Variants in ZNF676 observed in about 807,000 individuals in gnomAD.
The protein encoded by ZNF676 is zinc finger protein 676.
A neutral mutation model predicts 6.0 loss-of-function variants in ZNF676; 4 were observed. The ratio of observed to expected loss-of-function variants is 0.67; its 90% CI spans 0.33 to 1.53. ZNF676 has a LOEUF of 1.53. ZNF676 is among the 40% of genes most tolerant of loss of function. ZNF676 has a pLI of 0.06. For synonymous variants in ZNF676, 198 were observed against 223.1 expected (o/e 0.89, Z 1.00); for missense variants, 644 against 679.7 (o/e 0.95, Z 0.58).
chr19:22,251,961 G>A, the ZNF676 span, among the ~76,000 whole-genome samples: 1 of 152,058 alleles, frequency 6.6e-6, no homozygotes, highest in South Asian at 2.1e-4. Flanking sequence ...TTACTGTTGT[G>A]GATTATATTG....
At position 22,196,937 on chromosome 19, in the gene ZNF676, C is replaced by CT; in HGVS notation, c.-305dup. ...GAAAGTGGTATAAGATCCATAACAT[C>CT]TGTGTATATGTAATATTTTTCTAGA... On this transcript the variant is annotated 5_prime_UTR_variant, in exon 1 of 3. Coordinates refer to ENST00000397121, the MANE Select transcript of ZNF676 (RefSeq NM_001001411.3). 1.9e-6 allele frequency: 1 copy of CT among 530,710 alleles called. No individual in the cohort carries two copies. Among genetic ancestry groups the CT allele is most frequent in the South Asian group, 2.4e-5 (1 of 41,840 alleles). The allele number at this position is 530,710 out of a possible 1,614,324, so 32.9% of individuals were successfully genotyped here.
At chr19:22,185,181 ATCTTTGTTAT>A (rs1298227121) in intron 2 of ZNF676, among the ~76,000 whole-genome samples, 1 of 152,158 alleles carries the variant, frequency 6.6e-6, no homozygotes, top group Non-Finnish European at 1.5e-5. Context: ...ACAGGCAGCA[ATCTTTGTTAT>A]TCTGCAGCCT....
the ZNF676 span, among the ~76,000 whole-genome samples, chr19:22,235,121 C>CAGGAAGGAAGGA: frequency 0.011 from 1,485 of 131,792 alleles, 83 homozygotes; most frequent in African/African-American, 0.037. Flanking sequence ...GGCAGGAAGG[C>CAGGAAGGAAGGA]AGGAAGGAAG....
chr19:22,186,858 C>T (rs1018813158), intron 2 of ZNF676, among the ~76,000 whole-genome samples: 8 of 152,138 alleles, frequency 5.3e-5, no homozygotes, highest in African/African-American at 1.9e-4. Flanking sequence ...ATGCGCCCAA[C>T]ACAGGAGCAC....
chr19:22,225,029 G>A, the ZNF676 span, among the ~76,000 whole-genome samples: 1 of 152,040 alleles, frequency 6.6e-6, no homozygotes, highest in African/African-American at 2.4e-5. Context: ...GCATGTTAAA[G>A]TATATTCACC....
At chr19:22,239,109 T>C in the ZNF676 span, among the ~76,000 whole-genome samples, 1 of 151,996 alleles carries the variant, frequency 6.6e-6, no homozygotes, top group Admixed American at 6.6e-5. Flanking sequence ...GAAACAGTCA[T>C]CACCATTTTT....
At chr19:22,182,847 C>CA (rs536217671) in intron 2 of ZNF676, among the ~76,000 whole-genome samples, 1 of 151,796 alleles carries the variant, frequency 6.6e-6, no homozygotes, top group Non-Finnish European at 1.5e-5. Context: ...TATGCACACA[C>CA]AAAAAAATTG....
chr19:22,224,780 AG>A, the ZNF676 span, among the ~76,000 whole-genome samples: 6 of 152,144 alleles, frequency 3.9e-5, no homozygotes, highest in Non-Finnish European at 5.9e-5. Context: ...GGATCACCTG[AG>A]CCCAAATGTT....
intron 2 of ZNF676, among the ~76,000 whole-genome samples, chr19:22,191,035 A>T (rs2023900731): frequency 6.6e-6 from 1 of 152,148 alleles, no homozygotes; most frequent in African/African-American, 2.4e-5. Flanking sequence ...TCTTAATGAG[A>T]GAATCAGACA....
chr19:22,217,517 T>G (rs1272191159), upstream of ZNF676, among the ~76,000 whole-genome samples: 1 of 152,114 alleles, frequency 6.6e-6, no homozygotes. Flanking sequence ...ACATAATTGT[T>G]ATGCCTTTGC....
chr19:22,200,919 C>T (rs114627720), upstream of ZNF676, among the ~76,000 whole-genome samples: 396 of 152,058 alleles, frequency 2.6e-3, 1 homozygote, highest in African/African-American at 8.6e-3. Flanking sequence ...GCCTCCAGAC[C>T]TCCTGATTTT....
upstream of ZNF676, chr19:22,215,805 C>CG (rs573500330): frequency 1.2e-4 from 82 of 686,512 alleles, no homozygotes; most frequent in Non-Finnish European, 1.6e-4. Flanking sequence ...TGTCCCCCCC[C>CG]CCAGCTGCCT....
At chr19:22,212,199 C>CAAAAAA (rs34421901) in intron 1 of ZNF676, among the ~76,000 whole-genome samples, 10 of 119,102 alleles carry the variant, frequency 8.4e-5, no homozygotes, top group African/African-American at 2.9e-4. Flanking sequence ...GATTCTGTCT[C>CAAAAAA]AAAAAAAAAA....
chr19:22,209,951 A>G (rs2024113531), intron 1 of ZNF676, among the ~76,000 whole-genome samples: 1 of 152,246 alleles, frequency 6.6e-6, no homozygotes, highest in African/African-American at 2.4e-5. Flanking sequence ...TTGTCCAGAG[A>G]GGGGTGTGGA....
chr19:22,181,570 A>G lies in ZNF676; in HGVS notation c.147T>C (p.Phe49=), dbSNP rs753905567. 3.8e-6 allele frequency: 6 copies of G among 1,570,958 alleles called. No individual in the cohort carries two copies. Among genetic ancestry groups the G allele is most frequent in the South Asian group, 2.4e-5 (2 of 84,030 alleles). ...VEEPPVICSH[F]SQEFWPEQGI... ...CTTGCTCTGGCCAAAACTCTTGGGAAAAATGAGAACATATAACTGAAAAGA... is the reference window on the plus strand; with the variant it reads ...CTTGCTCTGGCCAAAACTCTTGGGAGAAATGAGAACATATAACTGAAAAGA... Residue 49 remains phenylalanine, a synonymous_variant, in exon 3 of 3, where the codon TTT becomes TTC. Coordinates refer to ENST00000397121, the MANE Select transcript of ZNF676 (RefSeq NM_001001411.3).
chr19:22,253,422 A>ATGTG, the ZNF676 span, among the ~76,000 whole-genome samples: 11 of 88,668 alleles, frequency 1.2e-4, no homozygotes, highest in African/African-American at 4.6e-4. Flanking sequence ...ATATATGATA[A>ATGTG]TGTATATATA....
chr19:22,230,980 T>A, the ZNF676 span, among the ~76,000 whole-genome samples: 1 of 152,058 alleles, frequency 6.6e-6, no homozygotes, highest in Non-Finnish European at 1.5e-5. Context: ...GGGGATTATT[T>A]TCTTGGATAG....
the ZNF676 span, among the ~76,000 whole-genome samples, chr19:22,240,879 G>A: frequency 6.6e-6 from 1 of 151,958 alleles, no homozygotes; most frequent in African/African-American, 2.4e-5. Flanking sequence ...TGCAGAAGAA[G>A]AGAGTCAACA....
chr19:22,196,202 A>C (rs898205919), intron 1 of ZNF676, among the ~76,000 whole-genome samples: 1 of 152,276 alleles, frequency 6.6e-6, no homozygotes, highest in East Asian at 1.9e-4. Context: ...ACTGTTTATC[A>C]TGAGTGCAGA....
Sources: gnomAD v4.1 joint callset for allele counts (sites outside exome capture counted in the v4.1 genomes callset) on GRCh38, gnomAD v4.1.1 for gene constraint, MANE v1.5 for transcripts, NCBI Gene and HGNC (gene_info 2026-07-23, HGNC 2026-07-21) for gene names.